DST: variants seen among roughly 807,000 people sequenced by gnomAD.
DST encodes the protein dystonin.
A neutral mutation model predicts 875.2 loss-of-function variants in DST; 253 were observed. The ratio of observed to expected loss-of-function variants is 0.29; its 90% CI spans 0.26 to 0.32. The LOEUF (loss-of-function observed/expected upper bound fraction) is 0.32, where lower values mean the gene tolerates loss of function less well. DST is among the 10% of genes least tolerant of loss of function. The pLI, the probability that DST is intolerant of heterozygous loss-of-function variation, is 1.00. For synonymous variants in DST, 3,124 were observed against 3,197.1 expected (o/e 0.98, Z 0.77); for missense variants, 8,287 against 9,111.6 (o/e 0.91, Z 3.68).
intron 10 of DST, among the ~76,000 whole-genome samples, chr6:56,660,613 C>CA (rs34162063): frequency 2.9e-3 from 256 of 88,752 alleles, no homozygotes; most frequent in East Asian, 0.013. Context: ...TTGCAATCAC[C>CA]AAAAAAAAAA....
In DST at chr6:56,529,586, G is replaced by A; in HGVS notation, c.17457C>T (p.Ala5819=). ...CCCCAAAAATCTTAGCATTACATAAGGCCTGCTGGAGGAGCTCAGACCTGC... is the reference window on the plus strand; with the variant it reads ...CCCCAAAAATCTTAGCATTACATAAAGCCTGCTGGAGGAGCTCAGACCTGC... ...SHSRSELLQQ[A]LCNAKIFGED... is the part of the protein sequence containing the mutation. Residue 5819 remains alanine, a synonymous_variant, in exon 66 of 104, where the codon GCC becomes GCT. Transcript: ENST00000680361. The A allele has an allele frequency of 6.2e-7, 1 of 1,613,760 alleles. No individual in the cohort carries two copies. The highest frequency in any genetic ancestry group is 8.5e-7 in the Non-Finnish European group (1 of 1,179,772).
chr6:56,953,889 T>A, intron 1 of DST, 70 bp from the exon 2 acceptor site: 1 of 1,172,962 alleles, frequency 8.5e-7, no homozygotes, highest in Non-Finnish European at 1.1e-6. Context: ...GACTCATGAC[T>A]TACCTGGGAG....
chr6:56,570,490 T>C (rs547035063), intron 53 of DST, among the ~76,000 whole-genome samples: 48 of 152,152 alleles, frequency 3.2e-4, no homozygotes, highest in Non-Finnish European at 5.6e-4. Flanking sequence ...CAGTTCACAA[T>C]AGGGTTCCTG....
rs2098524760 is a variant in DST, at chr6:56,609,340, T to C, written c.5288A>G (p.Asp1763Gly). ...ATCAATGGTGCCTGCAATCACTTTATCCAGCTGAAAGGAAAATGCAAAAAT... is the reference window on the plus strand; with the variant it reads ...ATCAATGGTGCCTGCAATCACTTTACCCAGCTGAAAGGAAAATGCAAAAAT... ...SGDVKVEEKL[D>G]KVIAGTIDQT... The change falls in exon 40 of 104, where the codon GAT becomes GGT. Residue 1763 changes from aspartate to glycine, a missense_variant. By Grantham distance (94) the Asp-to-Gly change is moderately conservative. Around this residue, in one of 10 missense-constraint regions of DST, gnomAD observed 3,138 missense variants for 3,116.6 expected, o/e 1.01. Transcript: ENST00000680361. 1.3e-6 allele frequency: 2 copies of C among 1,592,224 alleles called. No individual in the cohort carries two copies. The highest frequency in any genetic ancestry group is 1.7e-6 in the Non-Finnish European group (2 of 1,169,316).
Position 56,482,822 on chromosome 6 carries a change from G to A in DST, c.21263C>T (p.Ser7088Leu). The change falls in exon 89 of 104, where the codon TCA (serine) becomes TTA (leucine). Residue 7088 changes from serine to leucine, a missense_variant. Ser to Leu is a moderately radical substitution (Grantham distance 145). This residue lies in a region of DST where 1,292 missense variants were observed against 1,552.7 expected (regional missense o/e 0.83). Coordinates refer to ENST00000680361, the MANE Select transcript of DST (RefSeq NM_001374736.1). ...ACTGCCTTCTATGAGTTCTCGGGCT[G>A]AGCGCTTCAGGGCCTGCACACTGCT... ...RTSSVQALKR[S>L]ARELIEGSRD... 6.2e-7 allele frequency: 1 copy of A among 1,612,962 alleles called. No individual in the cohort carries two copies. The highest frequency in any genetic ancestry group is 8.5e-7 in the Non-Finnish European group (1 of 1,179,302).
chr6:56,900,533 A>T lies in DST; in HGVS notation c.305T>A (p.Val102Asp), dbSNP rs1793574827. The T allele has an allele frequency of 7.3e-7, 1 of 1,367,546 alleles. No individual in the cohort carries two copies. Among genetic ancestry groups the T allele is most frequent in the African/African-American group, 1.5e-5 (1 of 67,724 alleles). 84.7% of individuals were successfully genotyped at this position (1,367,546 alleles called of 1,614,324 possible). ...RLEEVKPVVE[V>D]HHQSEQETSV... ...AGTTTCTTGCTCACTCTGATGGTGA[A>T]CTTCCACCACGGGCTTCACTTCTTC... Residue 102 changes from valine to aspartate, a missense_variant, in exon 3 of 104, where the codon GTT becomes GAT. By Grantham distance (152) the Val-to-Asp change is radical (BLOSUM62 -3). Around this residue, in one of 10 missense-constraint regions of DST, gnomAD observed 1,160 missense variants for 1,424.3 expected, o/e 0.81. Transcript: ENST00000680361.
intron 15 of DST, among the ~76,000 whole-genome samples, chr6:56,643,225 A>C (rs2098922649): frequency 6.6e-6 from 1 of 152,214 alleles, no homozygotes; most frequent in African/African-American, 2.4e-5. Flanking sequence ...ACAAATATCC[A>C]ATCATAGTCT....
At chr6:56,592,097 T>A in intron 49 of DST, 85 bp downstream of exon 49, 1 of 1,265,440 alleles carries the variant, frequency 7.9e-7, no homozygotes, top group Non-Finnish European at 1.1e-6. Flanking sequence ...TCCCCTCTCT[T>A]AGCTGAAACT....
At chr6:56,737,733 T>C (rs544883945) in intron 4 of DST, among the ~76,000 whole-genome samples, 67 of 152,334 alleles carry the variant, frequency 4.4e-4, no homozygotes, top group African/African-American at 1.6e-3. Flanking sequence ...AAAGCTCTAC[T>C]GGACAACACT....
intron 3 of DST, among the ~76,000 whole-genome samples, chr6:56,883,429 G>A (rs535892745): frequency 1.3e-5 from 2 of 152,230 alleles, no homozygotes; most frequent in African/African-American, 4.8e-5. Context: ...ATAGTTCTTT[G>A]TTAAAAGAAA....
chr6:56,614,396 T>A lies in DST; in HGVS notation c.5018A>T (p.Asp1673Val). ...GGGAGGTTTTCCAGCCTTCTCTGCATCTTTCAATGTCTTGCTGATATTTGA... is the reference window on the plus strand; with the variant it reads ...GGGAGGTTTTCCAGCCTTCTCTGCAACTTTCAATGTCTTGCTGATATTTGA... ...WVSNISKTLK[D>V]AEKAGKPPFS... Residue 1673 changes from aspartate (D) to valine (V), a missense_variant, in exon 37 of 104, where the codon GAT becomes GTT. Coordinates refer to ENST00000680361, the MANE Select transcript of DST (RefSeq NM_001374736.1). 1 of 1,610,348 alleles carries A rather than the reference T, an allele frequency of 6.2e-7. No individual in the cohort carries two copies. The highest frequency in any genetic ancestry group is 8.5e-7 in the Non-Finnish European group (1 of 1,178,278).
At chr6:56,554,629 A>T (rs1395385246) in intron 60 of DST, among the ~76,000 whole-genome samples, 3 of 152,212 alleles carry the variant, frequency 2.0e-5, no homozygotes, top group African/African-American at 7.2e-5. Context: ...AAGAATAATA[A>T]TGATAATAGC....
At chr6:56,636,184 A>G (rs1364625107) in intron 23 of DST, among the ~76,000 whole-genome samples, 3 of 151,644 alleles carry the variant, frequency 2.0e-5, no homozygotes, top group Non-Finnish European at 4.4e-5. Context: ...ACTTCAATCT[A>G]TCTCATAGGA....
At chr6:56,489,849 A>G (rs1754247285) in intron 85 of DST, among the ~76,000 whole-genome samples, 3 of 152,180 alleles carry the variant, frequency 2.0e-5, no homozygotes, top group African/African-American at 7.2e-5. Flanking sequence ...TCAACATATC[A>G]GCTCTAAAAG....
At chr6:56,459,771 T>A (rs192691800) in intron 103 of DST, among the ~76,000 whole-genome samples, 2 of 152,302 alleles carry the variant, frequency 1.3e-5, no homozygotes, top group East Asian at 3.9e-4. Flanking sequence ...TGCGAAGCAA[T>A]GTGAGCTACA....
At chr6:56,718,690 A>T (rs2099403659) in intron 5 of DST, among the ~76,000 whole-genome samples, 1 of 152,260 alleles carries the variant, frequency 6.6e-6, no homozygotes, top group Admixed American at 6.5e-5. Context: ...GACATATAAA[A>T]TGTGATCTAT....
At chr6:56,524,114 T>G (rs781499353) in intron 69 of DST, among the ~76,000 whole-genome samples, 2 of 152,180 alleles carry the variant, frequency 1.3e-5, no homozygotes, top group Non-Finnish European at 2.9e-5. Context: ...AACTGTACTC[T>G]GGTCCTAATT....
chr6:56,866,545 G>A (rs1666001616), intron 3 of DST, among the ~76,000 whole-genome samples: 1 of 152,162 alleles, frequency 6.6e-6, no homozygotes, highest in Non-Finnish European at 1.5e-5. Flanking sequence ...GCCTCCTGAT[G>A]TGCTGTTAGG....
At chr6:56,759,840 G>A (rs972842485) in intron 4 of DST, among the ~76,000 whole-genome samples, 3 of 152,234 alleles carry the variant, frequency 2.0e-5, no homozygotes, top group African/African-American at 7.2e-5. Flanking sequence ...TACACTCTAG[G>A]CAAGGCAAAG....
Sources: allele counts gnomAD v4.1 joint callset (sites outside exome capture counted in the v4.1 genomes callset), GRCh38; gene constraint gnomAD v4.1.1; regional missense constraint gnomAD v4.1.1; transcripts MANE v1.5; gene names NCBI Gene and HGNC (gene_info 2026-07-23, HGNC 2026-07-21).